Variants in ERGIC1 observed in about 807,000 individuals in gnomAD.
The protein encoded by ERGIC1 is endoplasmic reticulum-Golgi intermediate compartment protein 1.
In ERGIC1, 19 loss-of-function variants were observed where a neutral mutation model predicts 38.3. That is an observed-to-expected ratio of 0.50 (90% confidence interval 0.35 to 0.73). The LOEUF is 0.73. ERGIC1 is among the 30% of genes least tolerant of loss of function. The pLI is 0.01. For synonymous variants in ERGIC1, 124 were observed against 157.6 expected (o/e 0.79, Z 1.60); for missense variants, 294 against 389.2 (o/e 0.76, Z 2.06).
chr5:172,926,472 GT>G lies in ERGIC1; in HGVS notation c.481-36del, dbSNP rs753544888. ...CAGGGCCAGGCCTGGAGGTGGAGGT[GT>G]CCTGGGGACCATCCCCTCACTGCAT... is the stretch of plus-strand genomic sequence containing the variant. On this transcript the variant is annotated intron_variant, in intron 6 of 9. Transcript: ENST00000393784. This position sits in a 1 kb window ranked among gnomAD's most constrained non-coding sequence, Gnocchi z 5.2. The G allele has an allele frequency of 2.5e-6, 4 of 1,613,084 alleles. No individual in the cohort carries two copies. In the African/African-American group the frequency reaches 5.3e-5, roughly 22 times the overall value.
Position 172,837,299 on chromosome 5 carries a change from T to A in ERGIC1, c.20+2866T>A, listed in dbSNP as rs931152335. The stretch of plus-strand genomic sequence containing the variant: ...GAGAGTACTCACCGAAGTAGAACAG[T>A]TGAGGGATGAGGCAGTGCGGAAAGC... On this transcript the variant is annotated intron_variant, in intron 1 of 9. Transcript: ENST00000393784. This position sits in a 1 kb window ranked among gnomAD's most constrained non-coding sequence, Gnocchi z 4.3. Among the ~76,000 whole-genome samples the A allele has an allele frequency of 1.3e-5, 2 of 152,234 alleles. No homozygotes were observed. The highest frequency in any genetic ancestry group is 4.8e-5 in the African/African-American group (2 of 41,454).
chr5:172,901,176 A>G (rs558347390), intron 3 of ERGIC1, among the ~76,000 whole-genome samples: 2 of 152,354 alleles, frequency 1.3e-5, no homozygotes, highest in Non-Finnish European at 2.9e-5. Context: ...GGTTGGATCA[A>G]CATGGCTCCA....
chr5:172,925,164 GGAGGTGGAGATTGCAGT>G (rs1337771716), intron 6 of ERGIC1, among the ~76,000 whole-genome samples: 3 of 152,236 alleles, frequency 2.0e-5, no homozygotes, highest in African/African-American at 7.2e-5. Context: ...CTTGAACCTG[GGAGGTGGAGATTGCAGT>G]GAGCTGGTAT....
At chr5:172,870,327 G>A (rs539137013) in intron 1 of ERGIC1, among the ~76,000 whole-genome samples, 1 of 152,154 alleles carries the variant, frequency 6.6e-6, no homozygotes, top group Non-Finnish European at 1.5e-5. Context: ...TGCCAAGCTG[G>A]GAGGCTTTCT....
At position 172,893,929 on chromosome 5, in the gene ERGIC1, G is replaced by GA. The variant is rs1561721945; in HGVS notation, c.83-3073_83-3072insA. Among the ~76,000 whole-genome samples, 30 of 54,764 alleles carry GA rather than the reference G, an allele frequency of 5.5e-4. 1 individual carries two copies. Among genetic ancestry groups the GA allele is most frequent in the African/African-American group, 2.5e-3 (29 of 11,800 alleles). The allele number at this position is 54,764 out of a possible 152,430, so 35.9% of individuals were successfully genotyped here. ...TATGTGTGTGTGTGTGTGTGTGTGT[G>GA]TGTGTGTATATATATATATATATAT... is the stretch of plus-strand genomic sequence containing the variant. On this transcript the variant is annotated intron_variant, in intron 2 of 9. Coordinates refer to ENST00000393784, the MANE Select transcript of ERGIC1 (RefSeq NM_001031711.3).
intron 2 of ERGIC1, among the ~76,000 whole-genome samples, chr5:172,893,911 G>GTATATATATATATACACATATATA (rs1581549097): frequency 2.9e-5 from 1 of 35,072 alleles, no homozygotes; most frequent in African/African-American, 1.1e-4. Flanking sequence ...ATATATGTGT[G>GTATATATATATATACACATATATA]TGTGTGTGTG....
chr5:172,852,104 A>T (rs956799993), intron 1 of ERGIC1, among the ~76,000 whole-genome samples: 1 of 152,096 alleles, frequency 6.6e-6, no homozygotes, highest in African/African-American at 2.4e-5. Context: ...CATCAGGTGC[A>T]TTGCCAGGGG....
intron 9 of ERGIC1, among the ~76,000 whole-genome samples, chr5:172,938,775 A>T (rs528125873): frequency 1.5e-5 from 2 of 135,080 alleles, no homozygotes; most frequent in African/African-American, 5.6e-5. Context: ...AAAAAAAAAA[A>T]GAAATCGGCC....
At chr5:172,947,333 C>T (rs1344714759) in intron 9 of ERGIC1, among the ~76,000 whole-genome samples, 3 of 152,188 alleles carry the variant, frequency 2.0e-5, no homozygotes, top group East Asian at 3.9e-4. Context: ...ACAGCCACCA[C>T]ACCTGTCCAA....
At chr5:172,854,207 T>A (rs1287314389) in intron 1 of ERGIC1, among the ~76,000 whole-genome samples, 1 of 145,714 alleles carries the variant, frequency 6.9e-6, no homozygotes, top group East Asian at 2.0e-4. Flanking sequence ...ATAGTGAGAC[T>A]CCATCTCTAC....
intron 1 of ERGIC1, among the ~76,000 whole-genome samples, chr5:172,886,214 C>T (rs972465267): frequency 6.6e-6 from 1 of 152,174 alleles, no homozygotes; most frequent in Non-Finnish European, 1.5e-5. Context: ...TTCCGTCCTC[C>T]TCTCCCTGCA....
At chr5:172,947,848 A>G (rs72814114) in intron 9 of ERGIC1, among the ~76,000 whole-genome samples, 3,313 of 150,702 alleles carry the variant, frequency 0.022, 46 homozygotes, top group Non-Finnish European at 0.03. Flanking sequence ...TGGGTTCCAA[A>G]TTGTGTGTAG....
chr5:172,903,213 G>A (rs537512891), intron 3 of ERGIC1, among the ~76,000 whole-genome samples: 5 of 152,316 alleles, frequency 3.3e-5, no homozygotes, highest in Admixed American at 3.3e-4. Context: ...GCTCTGTGCT[G>A]AGGCTCAGGG....
intron 5 of ERGIC1, among the ~76,000 whole-genome samples, chr5:172,923,405 CAAG>C (rs1763576652): frequency 6.6e-6 from 1 of 151,912 alleles, no homozygotes; most frequent in Non-Finnish European, 1.5e-5. Flanking sequence ...CGTGCTGAAA[CAAG>C]GAGAAGCTGC....
rs933610399 is a variant in ERGIC1, at chr5:172,846,375, G to T, written c.20+11942G>T. On this transcript the variant is annotated intron_variant, in intron 1 of 9. Transcript: ENST00000393784. The surrounding 1 kb of genome is among the most constrained non-coding windows in gnomAD (Gnocchi z 4.0). ...TTGAGTCACTTCTGAGCCCAGCAGC[G>T]TAAGATGGGGCAGGAGAAGGAGCTT... Among the ~76,000 whole-genome samples the T allele has an allele frequency of 6.6e-6, 1 of 152,238 alleles. No homozygotes were observed. Among genetic ancestry groups the T allele is most frequent in the Non-Finnish European group, 1.5e-5 (1 of 68,046 alleles).
At chr5:172,860,320 G>T (rs1012090151) in intron 1 of ERGIC1, among the ~76,000 whole-genome samples, 1 of 152,180 alleles carries the variant, frequency 6.6e-6, no homozygotes, top group Non-Finnish European at 1.5e-5. Context: ...CCCTGAATAG[G>T]GTTCTCTTTA....
At chr5:172,918,346 A>G (rs1763424959) in intron 5 of ERGIC1, 1 of 152,272 alleles carries the variant, frequency 6.6e-6, no homozygotes, top group African/African-American at 2.4e-5. Context: ...CGTAGGTATC[A>G]TTAGACTGGC....
In ERGIC1 at chr5:172,926,487, C is replaced by T. The variant is rs1225346679; in HGVS notation, c.481-22C>T. 1.2e-6 allele frequency: 2 copies of T among 1,613,744 alleles called. No homozygotes were observed. The highest frequency in any genetic ancestry group is 1.1e-5 in the South Asian group (1 of 91,074). ...AGGTGGAGGTGTCCTGGGGACCATC[C>T]CCTCACTGCATTTTTCCACAGGTCC... On this transcript the variant is annotated intron_variant, in intron 6 of 9. Coordinates refer to ENST00000393784, the MANE Select transcript of ERGIC1 (RefSeq NM_001031711.3). The surrounding 1 kb of genome is among the most constrained non-coding windows in gnomAD (Gnocchi z 5.2).
rs1205937543 is a variant in ERGIC1, at chr5:172,864,153, C to T, written c.21-24546C>T. Among the ~76,000 whole-genome samples the T allele has an allele frequency of 4.0e-5, 6 of 150,818 alleles. No individual in the cohort carries two copies. The South Asian group carries it at 6.5e-4, about 16-fold the overall frequency. ...TGGAGGTTGTAGTGAGCTGAGATCA[C>T]GCCACTGCACTCTAGCTTGGGCCAC... On this transcript the variant is annotated intron_variant, in intron 1 of 9. Coordinates refer to ENST00000393784, the MANE Select transcript of ERGIC1 (RefSeq NM_001031711.3).
Sources: allele counts gnomAD v4.1 joint callset (sites outside exome capture counted in the v4.1 genomes callset), GRCh38; gene constraint gnomAD v4.1.1; non-coding constraint Gnocchi (gnomAD v3.1); transcripts MANE v1.5; gene names NCBI Gene and HGNC (gene_info 2026-07-23, HGNC 2026-07-21).